Variants in ZBTB16 observed in about 807,000 individuals in gnomAD.
ZBTB16 encodes zinc finger and BTB domain-containing protein 16.
A neutral mutation model predicts 56.8 loss-of-function variants in ZBTB16; 8 were observed. That is an observed-to-expected ratio of 0.14 (90% CI 0.08 to 0.25). The LOEUF is 0.25. Ranked by LOEUF, ZBTB16 falls within the 10% of genes least tolerant of loss-of-function variation. The probability of loss-of-function intolerance (pLI) is 1.00; values close to 1 mark genes in which losing one functional copy is unlikely to be tolerated. For missense variants in ZBTB16, 625 were observed against 903.0 expected, an observed-to-expected ratio of 0.69 and a Z score of 3.95; for synonymous variants, 363 against 368.5, an observed-to-expected ratio of 0.98 and a Z score of 0.17.
At chr11:114,159,058 A>G (rs1287973937) in intron 3 of ZBTB16, among the ~76,000 whole-genome samples, 1 of 152,244 alleles carries the variant, frequency 6.6e-6, no homozygotes, top group Non-Finnish European at 1.5e-5. Context: ...ACACATCAGC[A>G]GCATTGGTGG....
Position 114,128,411 on chromosome 11 carries a change from CT to C in ZBTB16, c.1269-27925del, listed in dbSNP as rs574377302. On this transcript the variant is annotated intron_variant, in intron 2 of 6. Coordinates refer to ENST00000335953, the MANE Select transcript of ZBTB16 (RefSeq NM_006006.6). ...AGTGGGGTGAAGTGAAGATCTCAGA[CT>C]CTGGAGTCAGACAGTCTGGGGTTTG... is the stretch of plus-strand genomic sequence containing the variant. Among the ~76,000 whole-genome samples, 687 of 152,292 alleles carry C rather than the reference CT, an allele frequency of 4.5e-3. 6 individuals are homozygous for C. Among genetic ancestry groups the C allele is most frequent in the African/African-American group, 0.015 (634 of 41,550 alleles).
At chr11:114,091,319 G>C (rs1297612597) in intron 2 of ZBTB16, among the ~76,000 whole-genome samples, 1 of 152,178 alleles carries the variant, frequency 6.6e-6, no homozygotes, top group Non-Finnish European at 1.5e-5. Flanking sequence ...CTGCACTTCA[G>C]CTAGGTGACA....
At chr11:114,138,343 G>A (rs139137465) in intron 2 of ZBTB16, among the ~76,000 whole-genome samples, 2 of 152,132 alleles carry the variant, frequency 1.3e-5, no homozygotes, top group African/African-American at 4.8e-5. Flanking sequence ...GGTGTTCCCC[G>A]ATGGCAATCA....
intron 2 of ZBTB16, among the ~76,000 whole-genome samples, chr11:114,156,070 T>C (rs1470579568): frequency 6.6e-6 from 1 of 152,138 alleles, no homozygotes; most frequent in African/African-American, 2.4e-5. Context: ...CCTCTGGAAT[T>C]GGATCTGATT....
chr11:114,255,093 G>GTA lies in ZBTB16; in HGVS notation c.*4545_*4546dup, dbSNP rs948396372. On this transcript the variant is annotated 3_prime_UTR_variant, in exon 7 of 7. Transcript: ENST00000335953. ...GGTGGTGCACCATGACATCCAACCC[G>GTA]TATATATAAAGATAAATATATATAT... Among the ~76,000 whole-genome samples, 1 of 152,118 alleles carries GTA rather than the reference G, an allele frequency of 6.6e-6. No homozygotes were observed. The highest frequency in any genetic ancestry group is 1.5e-5 in the Non-Finnish European group (1 of 68,026).
chr11:114,102,046 T>A (rs1014188481), intron 2 of ZBTB16, among the ~76,000 whole-genome samples: 3 of 152,166 alleles, frequency 2.0e-5, no homozygotes, highest in African/African-American at 7.2e-5. Context: ...GAGGACCTCT[T>A]TCTGTTGGTG....
At chr11:114,165,372 G>T (rs1942720138) in intron 3 of ZBTB16, among the ~76,000 whole-genome samples, 1 of 152,178 alleles carries the variant, frequency 6.6e-6, no homozygotes, top group Admixed American at 6.5e-5. Context: ...GTTTAGCAGG[G>T]TTAGGCTTTA....
chr11:114,181,221 G>C (rs1054999778), intron 3 of ZBTB16, among the ~76,000 whole-genome samples: 1 of 152,214 alleles, frequency 6.6e-6, no homozygotes, highest in Non-Finnish European at 1.5e-5. Flanking sequence ...AAAGTGACTG[G>C]AGAAGATGGT....
At chr11:114,247,137 C>T in intron 5 of ZBTB16, 61 bp from the exon 6 acceptor site, 1 of 1,612,568 alleles carries the variant, frequency 6.2e-7, no homozygotes, top group Non-Finnish European at 8.5e-7. Context: ...ATGTGCCCTA[C>T]TGTCCCCTGA....
intron 2 of ZBTB16, among the ~76,000 whole-genome samples, chr11:114,147,513 T>C (rs978618663): frequency 2.6e-5 from 4 of 152,224 alleles, no homozygotes; most frequent in African/African-American, 9.6e-5. Context: ...CCTTTTAGGA[T>C]CTGGAGAGAA....
At chr11:114,169,862 G>A (rs976870002) in intron 3 of ZBTB16, among the ~76,000 whole-genome samples, 7 of 152,182 alleles carry the variant, frequency 4.6e-5, no homozygotes, top group Non-Finnish European at 1.0e-4. Flanking sequence ...CAGAAGGAGT[G>A]CTGTGGTGGG....
intron 2 of ZBTB16, among the ~76,000 whole-genome samples, chr11:114,132,163 A>G (rs1275194087): frequency 2.0e-5 from 3 of 152,158 alleles, no homozygotes; most frequent in African/African-American, 2.4e-5. Context: ...AGGTATAGGT[A>G]TAGGTCTAGA....
chr11:114,170,483 T>C (rs1942929791), intron 3 of ZBTB16, among the ~76,000 whole-genome samples: 1 of 152,224 alleles, frequency 6.6e-6, no homozygotes, highest in African/African-American at 2.4e-5. Context: ...AGTCAGGGGC[T>C]CCTTTTGTTG....
intron 2 of ZBTB16, among the ~76,000 whole-genome samples, chr11:114,127,080 C>T (rs547238880): frequency 4.9e-4 from 75 of 152,260 alleles, no homozygotes; most frequent in Non-Finnish European, 7.4e-4. Context: ...CTGGCTCTTG[C>T]AGTTCCCCCT....
chr11:114,084,663 C>T (rs1939897573), intron 2 of ZBTB16, among the ~76,000 whole-genome samples: 1 of 152,126 alleles, frequency 6.6e-6, no homozygotes, highest in South Asian at 2.1e-4. Context: ...GTGCATCATC[C>T]CAGAGCCCTG....
At chr11:114,188,789 A>T (rs1943426405) in intron 4 of ZBTB16, 1 of 152,204 alleles carries the variant, frequency 6.6e-6, no homozygotes, top group Non-Finnish European at 1.5e-5. Context: ...CTGGAAAAGG[A>T]TAAGGAGTAG....
chr11:114,066,418 A>G (rs1591633970), intron 2 of ZBTB16, among the ~76,000 whole-genome samples: 1 of 152,316 alleles, frequency 6.6e-6, no homozygotes, highest in Non-Finnish European at 1.5e-5. Flanking sequence ...AAACTTTCCT[A>G]AAGAGGAAAC....
At chr11:114,174,663 GAAAT>G (rs777961275) in intron 3 of ZBTB16, among the ~76,000 whole-genome samples, 8 of 152,212 alleles carry the variant, frequency 5.3e-5, no homozygotes, top group Non-Finnish European at 7.4e-5. Flanking sequence ...ACAAATGAAA[GAAAT>G]AAAGCCTTTT....
intron 2 of ZBTB16, among the ~76,000 whole-genome samples, chr11:114,071,113 T>C (rs935734074): frequency 1.3e-5 from 2 of 152,220 alleles, no homozygotes; most frequent in African/African-American, 4.8e-5. Flanking sequence ...AAAAATTCTT[T>C]TATTCTTTGT....
Sources: allele counts gnomAD v4.1 joint callset (sites outside exome capture counted in the v4.1 genomes callset), GRCh38; gene constraint gnomAD v4.1.1; transcripts MANE v1.5; gene names NCBI Gene and HGNC (gene_info 2026-07-23, HGNC 2026-07-21).